HDAC8: variants seen among roughly 807,000 people sequenced by gnomAD.
HDAC8 encodes histone deacetylase-like 1.
HDAC8 carries 1 observed loss-of-function variant against 32.2 expected under a neutral mutation model. The observed-to-expected ratio is 0.03, with a 90% CI of 0.01 to 0.15. The LOEUF is 0.15. Ranked by LOEUF, HDAC8 falls within the 10% of genes least tolerant of loss-of-function variation. HDAC8 has a pLI of 1.00. For synonymous variants in HDAC8, 108 were observed against 113.9 expected, an observed-to-expected ratio of 0.95 and a Z score of 0.33; for missense variants, 117 against 300.0, an observed-to-expected ratio of 0.39 and a Z score of 4.51.
chrX:72,342,929 TAA>T (rs2043924089), intron 10 of HDAC8, among the ~76,000 whole-genome samples: 1 of 111,319 alleles, frequency 9.0e-6, no homozygotes, highest in Non-Finnish European at 1.9e-5. Flanking sequence ...ATCTGCTTCC[TAA>T]AGTTCTATAC....
chrX:72,348,260 C>T (rs782072632), intron 10 of HDAC8, among the ~76,000 whole-genome samples: 4 of 112,318 alleles, frequency 3.6e-5, no homozygotes, highest in Non-Finnish European at 7.5e-5. Context: ...ATCTGTGTCA[C>T]ATCCTACTCT....
intron 9 of HDAC8, among the ~76,000 whole-genome samples, chrX:72,372,603 G>A (rs782417070): frequency 9.0e-6 from 1 of 111,282 alleles, no homozygotes; most frequent in Non-Finnish European, 1.9e-5. Context: ...AAGGAGAAAG[G>A]AGATCTGTAT....
chrX:72,448,735 C>T (rs897605917), intron 9 of HDAC8, among the ~76,000 whole-genome samples: 4 of 111,907 alleles, frequency 3.6e-5, no homozygotes, highest in Non-Finnish European at 7.5e-5. Context: ...AACAAATTTA[C>T]AAGGAAAAAA....
chrX:72,331,933 T>G (rs1162720481), intron 10 of HDAC8, among the ~76,000 whole-genome samples: 2 of 112,383 alleles, frequency 1.8e-5, no homozygotes, highest in Non-Finnish European at 3.8e-5. Flanking sequence ...TTCCCATCCC[T>G]CCTCCTTCAC....
chrX:72,471,178 T>A (rs2048165316), intron 7 of HDAC8, among the ~76,000 whole-genome samples: 1 of 112,815 alleles, frequency 8.9e-6, no homozygotes, highest in African/African-American at 3.2e-5. Context: ...ACTTCATTCC[T>A]TTTTATGGTT....
At chrX:72,413,880 G>A (rs2046265829) in intron 9 of HDAC8, among the ~76,000 whole-genome samples, 1 of 112,023 alleles carries the variant, frequency 8.9e-6, no homozygotes, top group African/African-American at 3.3e-5. Context: ...TGTCCTTATA[G>A]CAGTGGGAGA....
intron 4 of HDAC8, among the ~76,000 whole-genome samples, chrX:72,519,539 T>A (rs2049917352): frequency 8.9e-6 from 1 of 112,074 alleles, no homozygotes; most frequent in African/African-American, 3.2e-5. Flanking sequence ...ATTTGTGATT[T>A]CCTACTGATT....
intron 9 of HDAC8, among the ~76,000 whole-genome samples, chrX:72,394,573 A>G (rs1310704816): frequency 8.9e-6 from 1 of 112,297 alleles, no homozygotes; most frequent in Non-Finnish European, 1.9e-5. Context: ...AAGCAACTGG[A>G]CTGCGGAAAT....
intron 9 of HDAC8, among the ~76,000 whole-genome samples, chrX:72,431,230 G>A (rs1289663228): frequency 3.6e-5 from 4 of 111,885 alleles, no homozygotes; most frequent in South Asian, 3.8e-4. Context: ...CTCCCGCAAC[G>A]TGCCTTCTCT....
In HDAC8 at chrX:72,330,005, A is replaced by G; in HGVS notation, c.*49T>C. 8.9e-7 allele frequency: 1 copy of G among 1,129,055 alleles called. No homozygotes were observed. The allele number at this position is 1,129,055 out of a possible 1,213,427, so 93.0% of individuals were successfully genotyped here. ...CTGCTTGCATAAACACGCTGTCTTC[A>G]TTATAGGCACCACTCCTCAGCTCTG... On this transcript the variant is annotated 3_prime_UTR_variant, in exon 11 of 11. Transcript: ENST00000373573.
intron 4 of HDAC8, among the ~76,000 whole-genome samples, chrX:72,530,111 C>T: frequency 8.9e-6 from 1 of 112,036 alleles, no homozygotes; most frequent in Middle Eastern, 4.6e-3. Flanking sequence ...AGTGTGAGAA[C>T]GGACTAATAT....
chrX:72,402,349 A>C (rs920827460), intron 9 of HDAC8, among the ~76,000 whole-genome samples: 1 of 101,416 alleles, frequency 9.9e-6, no homozygotes, highest in Non-Finnish European at 2.0e-5. Context: ...TTTCTAGTTC[A>C]CTTATTTCTG....
intron 10 of HDAC8, among the ~76,000 whole-genome samples, chrX:72,338,275 AC>A (rs1323097437): frequency 1.8e-5 from 2 of 111,145 alleles, no homozygotes; most frequent in Non-Finnish European, 3.8e-5. Context: ...GTACCTATTC[AC>A]TGAAGGAAAA....
chrX:72,408,653 G>A (rs1225994657), intron 9 of HDAC8, among the ~76,000 whole-genome samples: 3 of 111,794 alleles, frequency 2.7e-5, no homozygotes, highest in Non-Finnish European at 5.6e-5. Context: ...TGATCTACCC[G>A]CCTTGGCCTC....
At chrX:72,353,783 A>G (rs1028374809) in intron 9 of HDAC8, among the ~76,000 whole-genome samples, 2 of 111,651 alleles carry the variant, frequency 1.8e-5, no homozygotes, top group Admixed American at 1.9e-4. Flanking sequence ...GGCAGCTGCA[A>G]TGAAGAAGCT....
chrX:72,330,189 C>G, intron 10 of HDAC8, 113 bp from the exon 11 acceptor site: 1 of 579,181 alleles, frequency 1.7e-6, no homozygotes, highest in Non-Finnish European at 2.8e-6. Flanking sequence ...CTCTGCTGCT[C>G]TTGGGAACTC....
At chrX:72,501,367 A>G (rs2049211374) in intron 4 of HDAC8, among the ~76,000 whole-genome samples, 1 of 112,167 alleles carries the variant, frequency 8.9e-6, no homozygotes, top group South Asian at 3.7e-4. Context: ...CCAACTTTGA[A>G]CTACACTACA....
At chrX:72,477,238 T>G (rs1789640125) in intron 7 of HDAC8, among the ~76,000 whole-genome samples, 2 of 111,929 alleles carry the variant, frequency 1.8e-5, no homozygotes, top group African/African-American at 6.5e-5. Flanking sequence ...GTATATTTAC[T>G]GCTTGTGCTT....
At chrX:72,434,318 A>G (rs1350595518) in intron 9 of HDAC8, among the ~76,000 whole-genome samples, 1 of 111,830 alleles carries the variant, frequency 8.9e-6, no homozygotes, top group Non-Finnish European at 1.9e-5. Flanking sequence ...GCATATATAC[A>G]CTAGGGATAT....
Sources: gnomAD v4.1 joint callset for allele counts (sites outside exome capture counted in the v4.1 genomes callset) on GRCh38, gnomAD v4.1.1 for gene constraint, MANE v1.5 for transcripts, NCBI Gene and HGNC (gene_info 2026-07-23, HGNC 2026-07-21) for gene names.